DPEP1: variants seen among roughly 807,000 people sequenced by gnomAD.
DPEP1 encodes the protein beta-lactamase.
A neutral mutation model predicts 42.3 loss-of-function variants in DPEP1; 50 were observed. That is an observed-to-expected ratio of 1.18 (90% confidence interval 0.94 to 1.50). The LOEUF is 1.50. Among genes scored for constraint, DPEP1 ranks in the 40% most tolerant of loss-of-function variants. DPEP1 has a pLI of 0.00. For synonymous variants in DPEP1, 297 were observed against 234.0 expected (o/e 1.27, Z -2.46); for missense variants, 663 against 553.0 (o/e 1.20, Z -1.99).
chr16:89,616,169 T>C (rs1243276709), intron 1 of DPEP1, among the ~76,000 whole-genome samples: 4 of 42,420 alleles, frequency 9.4e-5, no homozygotes, highest in East Asian at 1.0e-3. Context: ...GGGGCTGGGC[T>C]GGGGGTTCAG....
At chr16:89,627,875 G>T (rs2059536528) in intron 1 of DPEP1, among the ~76,000 whole-genome samples, 1 of 151,612 alleles carries the variant, frequency 6.6e-6, no homozygotes, top group South Asian at 2.1e-4. Flanking sequence ...GGTCAGGCTG[G>T]TCTCAAACTC....
At chr16:89,631,424 C>T (rs1250098416) in intron 2 of DPEP1, among the ~76,000 whole-genome samples, 2 of 152,220 alleles carry the variant, frequency 1.3e-5, no homozygotes, top group East Asian at 1.9e-4. Flanking sequence ...TCCACACTGG[C>T]TCCGCGTTGG....
Position 89,631,104 on chromosome 16 carries a change from G to C in DPEP1, c.104+590G>C, listed in dbSNP as rs868015890. On this transcript the variant is annotated intron_variant, in intron 2 of 10. Transcript: ENST00000690203. ...GCTTCTCCCAAAAGCAGCAGGTGCG[G>C]GTGGCACCCTACAGGCCCTCTCAGC... is the stretch of plus-strand genomic sequence containing the variant. Among the ~76,000 whole-genome samples, 4 of 152,180 alleles carry C rather than the reference G, an allele frequency of 2.6e-5. No homozygotes were observed. In the Middle Eastern group the frequency reaches 0.014, roughly 518 times the overall value.
At chr16:89,617,617 C>A (rs113864837) in intron 1 of DPEP1, among the ~76,000 whole-genome samples, 2 of 127,428 alleles carry the variant, frequency 1.6e-5, no homozygotes, top group Non-Finnish European at 3.4e-5. Context: ...GGAGGCCGGG[C>A]GCGGCGGCTC....
chr16:89,637,722 G>T lies in DPEP1; in HGVS notation c.929+15G>T. On this transcript the variant is annotated intron_variant, in intron 9 of 10. Transcript: ENST00000690203. ...GGTGTTCCAAGGTAAGGGGCTGAGAGCTCTGTCCTGTGGATGAGCCGGGAG... is the reference window on the plus strand; with the variant it reads ...GGTGTTCCAAGGTAAGGGGCTGAGATCTCTGTCCTGTGGATGAGCCGGGAG... The T allele has an allele frequency of 6.2e-7, 1 of 1,613,064 alleles. No individual in the cohort carries two copies.
chr16:89,627,962 G>A (rs942669690), intron 1 of DPEP1, among the ~76,000 whole-genome samples: 15 of 149,558 alleles, frequency 1.0e-4, no homozygotes, highest in Admixed American at 2.7e-4. Flanking sequence ...TCGCTCTTTC[G>A]CCCAGGCGGG....
At chr16:89,630,111 G>T (rs116180822) in intron 1 of DPEP1, among the ~76,000 whole-genome samples, 194 bp from the exon 2 acceptor site, 3,093 of 152,244 alleles carry the variant, frequency 0.02, 99 homozygotes, top group African/African-American at 0.071. Context: ...CCACCCCTGG[G>T]TCTGGGATCC....
At chr16:89,637,037 G>A in intron 6 of DPEP1, 102 bp downstream of exon 6, 1 of 1,546,014 alleles carries the variant, frequency 6.5e-7, no homozygotes, top group South Asian at 1.2e-5. Context: ...CAGTGTCCTT[G>A]TCTGTAAAAT....
chr16:89,638,895 A>C (rs1007601378), downstream of DPEP1, among the ~76,000 whole-genome samples: 3 of 14,014 alleles, frequency 2.1e-4, no homozygotes, highest in Admixed American at 1.0e-3. Context: ...CACACACCCC[A>C]CCCCTGCACA....
At chr16:89,622,053 G>A (rs1210249053) in intron 1 of DPEP1, among the ~76,000 whole-genome samples, 3 of 152,180 alleles carry the variant, frequency 2.0e-5, no homozygotes, top group African/African-American at 4.8e-5. Context: ...CGACAGAGCC[G>A]AGTCAGCACC....
At chr16:89,638,530 C>A (rs925963227), downstream of DPEP1, 1 of 1,171,988 alleles carries the variant, frequency 8.5e-7, no homozygotes, top group Non-Finnish European at 1.1e-6. Flanking sequence ...GATCCTGGAT[C>A]GAGTCTTCGG....
At chr16:89,615,036 C>T (rs147134055) in intron 1 of DPEP1, among the ~76,000 whole-genome samples, 1 of 152,222 alleles carries the variant, frequency 6.6e-6, no homozygotes, top group Non-Finnish European at 1.5e-5. Flanking sequence ...GGCGTCTGAC[C>T]CCATGGAGAA....
At chr16:89,623,929 G>A (rs529796570) in intron 1 of DPEP1, among the ~76,000 whole-genome samples, 7 of 152,250 alleles carry the variant, frequency 4.6e-5, no homozygotes, top group East Asian at 3.9e-4. Context: ...GTGGCGCTCC[G>A]AGGAAAGAGG....
At chr16:89,621,748 CTGAG>C (rs2059448901) in intron 1 of DPEP1, among the ~76,000 whole-genome samples, 2 of 152,202 alleles carry the variant, frequency 1.3e-5, no homozygotes, top group African/African-American at 4.8e-5. Context: ...GTGGAGGTAT[CTGAG>C]TGTGCGTTTA....
Position 89,630,477 on chromosome 16 carries a change from G to C in DPEP1, c.67G>C (p.Ala23Pro). 6.2e-7 allele frequency: 1 copy of C among 1,609,368 alleles called. No homozygotes were observed. ...CACTGCAGACTTCTTTCGGGACGAGGCAGAGAGGATCATGAGGGACTCCCC... is the reference window on the plus strand; with the variant it reads ...CACTGCAGACTTCTTTCGGGACGAGCCAGAGAGGATCATGAGGGACTCCCC... ...VCTADFFRDE[A>P]ERIMRDSPVI... Residue 23 changes from alanine (A) to proline (P), a missense_variant, in exon 2 of 11, where the codon GCA becomes CCA. Physicochemically the swap from Ala to Pro is conservative, Grantham distance 27. Transcript: ENST00000690203.
chr16:89,626,772 C>G (rs1167481616), intron 1 of DPEP1, among the ~76,000 whole-genome samples: 1 of 152,120 alleles, frequency 6.6e-6, no homozygotes, highest in Non-Finnish European at 1.5e-5. Flanking sequence ...TTCCTGAGGC[C>G]TCCCCAGCCA....
chr16:89,621,404 G>A (rs79172130), intron 1 of DPEP1, among the ~76,000 whole-genome samples: 10,734 of 152,156 alleles, frequency 0.071, 569 homozygotes, highest in East Asian at 0.23. Flanking sequence ...CCGGCCTTAC[G>A]GCTGGGCCTG....
Position 89,614,698 on chromosome 16 carries a change from A to G in DPEP1, c.-107+979A>G, listed in dbSNP as rs546126290. On this transcript the variant is annotated intron_variant, in intron 1 of 10. Coordinates refer to ENST00000690203, the MANE Select transcript of DPEP1 (RefSeq NM_001389466.1). ...TAGTCCCAGCTACTCGGGAGGCTGA[A>G]GCAGGAGAATGGCGTGAACCCGGGA... Among the ~76,000 whole-genome samples the G allele has an allele frequency of 5.5e-3, 840 of 152,264 alleles. 9 individuals carry two copies. The highest frequency in any genetic ancestry group is 0.023 in the South Asian group (111 of 4,826).
chr16:89,621,303 C>T (rs2059444157), intron 1 of DPEP1, among the ~76,000 whole-genome samples: 1 of 150,170 alleles, frequency 6.7e-6, no homozygotes, highest in South Asian at 2.1e-4. Flanking sequence ...CCGTGGGGGG[C>T]CTGGGCAGGG....
Sources: gnomAD v4.1 joint callset for allele counts (sites outside exome capture counted in the v4.1 genomes callset) on GRCh38, gnomAD v4.1.1 for gene constraint, MANE v1.5 for transcripts, NCBI Gene and HGNC (gene_info 2026-07-23, HGNC 2026-07-21) for gene names.